ASPRV1: variants seen among roughly 807,000 people sequenced by gnomAD.
ASPRV1 encodes the protein aspartic peptidase retroviral like 1.
In ASPRV1, 7 loss-of-function variants were observed where a neutral mutation model predicts 11.0. The ratio of observed to expected loss-of-function variants is 0.64; its 90% CI spans 0.36 to 1.20. ASPRV1 has a LOEUF of 1.20. Ranked by LOEUF, ASPRV1 falls within the 50% of genes most tolerant of loss-of-function variation. The probability of loss-of-function intolerance (pLI) is 0.02; values close to 1 mark genes in which losing one functional copy is unlikely to be tolerated. For synonymous variants in ASPRV1, 136 were observed against 138.4 expected, an observed-to-expected ratio of 0.98 and a Z score of 0.12; for missense variants, 299 against 320.0, an observed-to-expected ratio of 0.93 and a Z score of 0.50.
the ASPRV1 span, among the ~76,000 whole-genome samples, chr2:69,984,036 G>T: frequency 3.2e-3 from 488 of 152,214 alleles, 8 homozygotes; most frequent in South Asian, 3.9e-3. Context: ...GAACGAGGAG[G>T]TTTTATTTTT....
chr2:69,986,555 G>A, the ASPRV1 span, among the ~76,000 whole-genome samples: 1 of 152,216 alleles, frequency 6.6e-6, no homozygotes, highest in African/African-American at 2.4e-5. Context: ...GCCCACACTG[G>A]AAGTGGGATG....
the ASPRV1 span, among the ~76,000 whole-genome samples, chr2:69,996,119 C>T: frequency 6.6e-6 from 1 of 150,822 alleles, no homozygotes; most frequent in Admixed American, 6.6e-5. Flanking sequence ...CGAGGTTCAC[C>T]CCTGTAATCC....
the ASPRV1 span, among the ~76,000 whole-genome samples, chr2:69,980,250 C>A: frequency 6.6e-6 from 1 of 152,178 alleles, no homozygotes; most frequent in Non-Finnish European, 1.5e-5. Flanking sequence ...GACAAAAATT[C>A]CTGCAGGTGA....
chr2:70,018,437 A>G, the ASPRV1 span, among the ~76,000 whole-genome samples: 7 of 152,130 alleles, frequency 4.6e-5, no homozygotes, highest in Non-Finnish European at 7.4e-5. Context: ...TGAAATTCCT[A>G]TGGAACCACA....
At chr2:69,963,097 G>C (rs1171279791), upstream of ASPRV1, 1 of 369,778 alleles carries the variant, frequency 2.7e-6, no homozygotes, top group Non-Finnish European at 5.4e-6. Context: ...GGACAGTCCT[G>C]CCTCTGGATG....
the ASPRV1 span, among the ~76,000 whole-genome samples, chr2:70,001,393 G>A: frequency 1.3e-5 from 2 of 151,954 alleles, no homozygotes; most frequent in Non-Finnish European, 2.9e-5. Flanking sequence ...AGCCAATGTG[G>A]TGGTGCATGC....
the ASPRV1 span, among the ~76,000 whole-genome samples, chr2:70,000,351 C>T: frequency 2.7e-5 from 4 of 147,482 alleles, no homozygotes; most frequent in Non-Finnish European, 5.9e-5. Context: ...CACACACACA[C>T]ACACACACGT....
chr2:69,982,276 A>AGACC, the ASPRV1 span, among the ~76,000 whole-genome samples: 90 of 150,138 alleles, frequency 6.0e-4, 4 homozygotes, highest in East Asian at 7.2e-3. Context: ...CAAGAGAGAG[A>AGACC]GACCTCATCC....
the ASPRV1 span, among the ~76,000 whole-genome samples, chr2:69,935,995 G>A: frequency 1.8e-4 from 28 of 152,046 alleles, no homozygotes; most frequent in African/African-American, 6.3e-4. Flanking sequence ...ACTTGCCTCT[G>A]CAGCACCATC....
chr2:69,998,728 CA>C, the ASPRV1 span, among the ~76,000 whole-genome samples: 32,791 of 101,964 alleles, frequency 0.32, 5,420 homozygotes, highest in African/African-American at 0.53. Flanking sequence ...GACTCCGTCT[CA>C]AAAAAAAAAA....
chr2:70,035,313 T>C, the ASPRV1 span, among the ~76,000 whole-genome samples: 11 of 152,044 alleles, frequency 7.2e-5, no homozygotes, highest in Non-Finnish European at 1.6e-4. Context: ...CTGAAAACAC[T>C]CCTCTGTGGA....
the ASPRV1 span, among the ~76,000 whole-genome samples, chr2:69,978,708 G>A: frequency 2.8e-4 from 43 of 152,138 alleles, no homozygotes; most frequent in African/African-American, 9.7e-5. Flanking sequence ...GAAAGGCCCC[G>A]AACACCGGAA....
chr2:70,043,168 C>T, the ASPRV1 span, among the ~76,000 whole-genome samples: 484 of 152,150 alleles, frequency 3.2e-3, 19 homozygotes, highest in East Asian at 0.079. Flanking sequence ...AAGCTGTATG[C>T]CTTCTTTGGG....
the ASPRV1 span, among the ~76,000 whole-genome samples, chr2:70,018,635 C>G: frequency 7.6e-4 from 116 of 152,206 alleles, no homozygotes; most frequent in African/African-American, 2.7e-3. Flanking sequence ...TTACAGTCAA[C>G]TGATTTTCAA....
At chr2:69,989,805 A>G in the ASPRV1 span, among the ~76,000 whole-genome samples, 2 of 152,144 alleles carry the variant, frequency 1.3e-5, no homozygotes, top group African/African-American at 4.8e-5. Flanking sequence ...TGTGCTTTCT[A>G]TGCTGGGCTG....
At chr2:69,972,819 C>T in the ASPRV1 span, among the ~76,000 whole-genome samples, 3 of 152,054 alleles carry the variant, frequency 2.0e-5, no homozygotes, top group Non-Finnish European at 2.9e-5. Flanking sequence ...TTGCGTCCTG[C>T]TTGGCAGAGA....
the ASPRV1 span, among the ~76,000 whole-genome samples, chr2:70,057,764 C>T: frequency 1.3e-5 from 2 of 152,018 alleles, no homozygotes; most frequent in African/African-American, 4.8e-5. Context: ...TAGGCATGAG[C>T]CACTGCGCCC....
the ASPRV1 span, among the ~76,000 whole-genome samples, chr2:69,947,953 T>C: frequency 2.6e-5 from 4 of 152,130 alleles, no homozygotes; most frequent in African/African-American, 9.7e-5. Context: ...TGCCACCCTT[T>C]CTCCTCAACT....
chr2:69,964,110 C>A, upstream of ASPRV1: 1 of 223,222 alleles, frequency 4.5e-6, no homozygotes, highest in Non-Finnish European at 9.2e-6. Context: ...GCCTTGGTCA[C>A]ACTGACTCTC....
Sources: gnomAD v4.1 joint callset for allele counts (sites outside exome capture counted in the v4.1 genomes callset) on GRCh38, gnomAD v4.1.1 for gene constraint, MANE v1.5 for transcripts, NCBI Gene and HGNC (gene_info 2026-07-23, HGNC 2026-07-21) for gene names.